The following ANAPC4 variants were observed in gnomAD, a reference collection of about 807,000 sequenced individuals.
ANAPC4 encodes anaphase promoting complex subunit 4.
ANAPC4 carries 63 observed loss-of-function variants against 119.8 expected under a neutral mutation model. The ratio of observed to expected loss-of-function variants is 0.53; its 90% CI spans 0.43 to 0.65. The LOEUF (loss-of-function observed/expected upper bound fraction) is 0.65. ANAPC4 is among the 30% of genes least tolerant of loss of function. ANAPC4 has a pLI of 0.00. For missense variants in ANAPC4, 716 were observed against 945.1 expected (o/e 0.76, Z 3.18); for synonymous variants, 283 against 318.6 (o/e 0.89, Z 1.19).
chr4:25,415,419 C>T, intron 25 of ANAPC4, 47 bp from the exon 26 acceptor site: 1 of 1,421,446 alleles, frequency 7.0e-7, no homozygotes, highest in Non-Finnish European at 9.9e-7. Flanking sequence ...TATTGACTAT[C>T]CAGGTTGTTC....
At chr4:25,398,491 A>G (rs1722777792) in intron 16 of ANAPC4, among the ~76,000 whole-genome samples, 1 of 152,196 alleles carries the variant, frequency 6.6e-6, no homozygotes, top group Non-Finnish European at 1.5e-5. Flanking sequence ...CAAGGGCACT[A>G]TAGCTGAAGC....
rs900585533 is a variant in ANAPC4 at position 25,390,053 on chromosome 4, A to G, written c.516-83A>G. ...TTTAGCATGTAGATTATATGAAAGC[A>G]GTAATAATTTATATCTCGCTTTAAC... On this transcript the variant is annotated intron_variant, in intron 7 of 28. Transcript: ENST00000315368. The G allele has an allele frequency of 5.4e-6, 5 of 931,466 alleles. No homozygotes were observed. The African/African-American group carries it at 8.4e-5, about 16-fold the overall frequency. The allele number at this position is 931,466 out of a possible 1,614,324, so 57.7% of individuals were successfully genotyped here.
chr4:25,418,458 T>G lies in ANAPC4; in HGVS notation c.*76T>G. The G allele has an allele frequency of 8.2e-7, 1 of 1,222,596 alleles. No individual in the cohort carries two copies. The highest frequency in any genetic ancestry group is 2.4e-5 in the East Asian group (1 of 42,488). The allele number at this position is 1,222,596 out of a possible 1,614,324, so 75.7% of individuals were successfully genotyped here. On this transcript the variant is annotated 3_prime_UTR_variant, in exon 29 of 29. Transcript: ENST00000315368. ...ATGGACTAAGATGTCTTGGACCACC[T>G]TTGTGTAACAAAGAAATAAACAGTA...
At chr4:25,409,630 C>T in intron 20 of ANAPC4, 68 bp from the exon 21 acceptor site, 2 of 1,241,846 alleles carry the variant, frequency 1.6e-6, no homozygotes, top group Non-Finnish European at 2.3e-6. Context: ...TTGTCTTTTA[C>T]TTTTTTTCTT....
intron 21 of ANAPC4, among the ~76,000 whole-genome samples, chr4:25,412,364 G>C (rs2324712): frequency 6.6e-6 from 1 of 151,862 alleles, no homozygotes; most frequent in African/African-American, 2.4e-5. Context: ...CAACCTCCAA[G>C]CCCCTCTCTC....
intron 16 of ANAPC4, among the ~76,000 whole-genome samples, chr4:25,397,129 T>G (rs528677917): frequency 6.6e-5 from 10 of 152,362 alleles, no homozygotes; most frequent in African/African-American, 2.2e-4. Flanking sequence ...GAGGGAATCA[T>G]TTTAACTCTT....
chr4:25,411,629 G>C (rs1723571219), intron 21 of ANAPC4, among the ~76,000 whole-genome samples: 1 of 152,174 alleles, frequency 6.6e-6, no homozygotes, highest in Non-Finnish European at 1.5e-5. Flanking sequence ...ACACGGCTGA[G>C]AGCAAGTTGC....
chr4:25,393,784 A>C (rs371698164), intron 10 of ANAPC4, 21 bp from the exon 11 acceptor site: 1 of 1,512,074 alleles, frequency 6.6e-7, no homozygotes, highest in Non-Finnish European at 9.0e-7. Context: ...TACCATTTCA[A>C]TTTTTCTTTT....
intron 2 of ANAPC4, among the ~76,000 whole-genome samples, chr4:25,379,052 A>T (rs138975475): frequency 1.7e-3 from 257 of 152,294 alleles, no homozygotes; most frequent in African/African-American, 5.7e-3. Flanking sequence ...TATCCTGGTG[A>T]GGTCAAAGAA....
intron 21 of ANAPC4, among the ~76,000 whole-genome samples, chr4:25,410,871 A>G (rs966487963): frequency 1.3e-5 from 2 of 152,214 alleles, no homozygotes; most frequent in African/African-American, 4.8e-5. Context: ...TCCCCAAGAT[A>G]TCTCATTATG....
At chr4:25,417,854 G>A in intron 28 of ANAPC4, 115 bp downstream of exon 28, 2 of 1,359,842 alleles carry the variant, frequency 1.5e-6, no homozygotes, top group Non-Finnish European at 2.0e-6. Context: ...TATTTTTACT[G>A]TGATTTATAG....
intron 16 of ANAPC4, among the ~76,000 whole-genome samples, chr4:25,397,626 A>G (rs1722728463): frequency 6.6e-6 from 1 of 152,180 alleles, no homozygotes; most frequent in South Asian, 2.1e-4. Flanking sequence ...AGCTGGCTTT[A>G]GGATTCCCTG....
intron 17 of ANAPC4, among the ~76,000 whole-genome samples, chr4:25,403,687 GT>G (rs1723101215): frequency 6.6e-6 from 1 of 152,132 alleles, no homozygotes; most frequent in East Asian, 1.9e-4. Flanking sequence ...CTATAAAACT[GT>G]ATATTTGGTT....
At chr4:25,394,995 C>A in intron 14 of ANAPC4, 90 bp downstream of exon 14, 1 of 1,026,508 alleles carries the variant, frequency 9.7e-7, no homozygotes, top group South Asian at 1.5e-5. Context: ...ATCTGGCATT[C>A]TCTTTTTAAG....
At chr4:25,388,668 T>C (rs1298254010) in intron 5 of ANAPC4, 49 bp from the exon 6 acceptor site, 8 of 1,570,290 alleles carry the variant, frequency 5.1e-6, no homozygotes, top group African/African-American at 4.1e-5. Context: ...TTTTAAAATA[T>C]GTATTTTTAC....
At chr4:25,418,114 C>G (rs751025059) in intron 28 of ANAPC4, 41 bp from the exon 29 acceptor site, 6 of 1,517,238 alleles carry the variant, frequency 4.0e-6, no homozygotes, top group Middle Eastern at 1.8e-4. Flanking sequence ...ATATGATAAG[C>G]CATTAATTTA....
intron 26 of ANAPC4, chr4:25,415,936 T>G: frequency 5.8e-6 from 1 of 172,782 alleles, no homozygotes; most frequent in Non-Finnish European, 1.2e-5. Context: ...AAGCCATCCC[T>G]GAGGCTTCGC....
chr4:25,381,991 G>T (rs1328730845), intron 3 of ANAPC4, among the ~76,000 whole-genome samples: 3 of 152,174 alleles, frequency 2.0e-5, no homozygotes, highest in African/African-American at 4.8e-5. Context: ...GATGACAGTT[G>T]TTTCTGTTTT....
chr4:25,410,843 GTTTA>G (rs1723517175), intron 21 of ANAPC4, among the ~76,000 whole-genome samples: 1 of 152,102 alleles, frequency 6.6e-6, no homozygotes, highest in Non-Finnish European at 1.5e-5. Context: ...TGAATTTCGT[GTTTA>G]GACTTGAGTT....
Sources: allele counts gnomAD v4.1 joint callset (sites outside exome capture counted in the v4.1 genomes callset), GRCh38; gene constraint gnomAD v4.1.1; transcripts MANE v1.5; gene names NCBI Gene and HGNC (gene_info 2026-07-23, HGNC 2026-07-21).